The following CAMSAP3 variants were observed in gnomAD, a reference collection of about 807,000 sequenced individuals.
CAMSAP3 encodes the protein calmodulin-regulated spectrin-associated protein 3.
Under a neutral mutation model 112.5 loss-of-function variants are expected in CAMSAP3, and 34 were observed. The observed-to-expected ratio is 0.30, with a 90% confidence interval of 0.23 to 0.40. The LOEUF (loss-of-function observed/expected upper bound fraction) is 0.40, where lower values mean the gene tolerates loss of function less well. Ranked by LOEUF, CAMSAP3 falls within the 10% of genes least tolerant of loss-of-function variation. The pLI is 1.00. For missense variants in CAMSAP3, 1,602 were observed against 1,770.3 expected (o/e 0.90, Z 1.71); for synonymous variants, 868 against 799.8 (o/e 1.09, Z -1.44).
Position 7,607,914 on chromosome 19 carries a change from C to A in CAMSAP3, c.622-212C>A. On this transcript the variant is annotated intron_variant, in intron 4 of 16. Coordinates refer to ENST00000160298, the MANE Select transcript of CAMSAP3 (RefSeq NM_020902.2). This position sits in a 1 kb window ranked among gnomAD's most constrained non-coding sequence, Gnocchi z 4.9. ...GGGTCCCAGGAGTCCCTGTCCCCAGCCCCCGCTGCTGGCCTGGCTGCTCGA... is the reference window on the plus strand; with the variant it reads ...GGGTCCCAGGAGTCCCTGTCCCCAGACCCCGCTGCTGGCCTGGCTGCTCGA... The A allele has an allele frequency of 1.2e-6, 1 of 821,684 alleles. No individual in the cohort carries two copies. Among genetic ancestry groups the A allele is most frequent in the Non-Finnish European group, 2.1e-6 (1 of 485,526 alleles). The allele number at this position is 821,684 out of a possible 1,614,324, so 50.9% of individuals were successfully genotyped here. A position where few individuals can be genotyped will look rare whatever the true frequency, so the allele number is the denominator to read the frequency against.
At chr19:7,614,282 A>AAAAAAAAAAAAAAAAG (rs1568447672) in intron 11 of CAMSAP3, among the ~76,000 whole-genome samples, 1 of 147,132 alleles carries the variant, frequency 6.8e-6, no homozygotes, top group African/African-American at 2.5e-5. Flanking sequence ...AAAAAAAAAA[A>AAAAAAAAAAAAAAAAG]AGTGAGCACA....
rs2030591781 is a variant in CAMSAP3, at chr19:7,613,023, A to G, written c.2530A>G (p.Ile844Val). The G allele has an allele frequency of 1.3e-6, 2 of 1,558,020 alleles. No homozygotes were observed. Among genetic ancestry groups the G allele is most frequent in the African/African-American group, 2.7e-5 (2 of 72,934 alleles). ...PEEPAARPGL[I>V]EIPLGSLADP... The stretch of plus-strand genomic sequence containing the variant: ...GGAGCCAGCCGCCCGGCCGGGCCTC[A>G]TCGAGATCCCGCTGGGCAGCCTGGC... The change falls in exon 11 of 17, where the codon ATC becomes GTC. Residue 844 changes from isoleucine to valine, a missense_variant. This residue lies in a region of CAMSAP3 where 1,100 missense variants were observed against 1,135.7 expected (regional missense o/e 0.97). Transcript: ENST00000160298.
At chr19:7,596,823 A>G (rs1357109901) in intron 1 of CAMSAP3, among the ~76,000 whole-genome samples, 1 of 152,096 alleles carries the variant, frequency 6.6e-6, no homozygotes, top group African/African-American at 2.4e-5. Flanking sequence ...GGAAATGGGT[A>G]GTACAAGATC....
At chr19:7,596,209 G>GGGA (rs1568436201) in intron 1 of CAMSAP3, 59 bp downstream of exon 1, 1 of 643,330 alleles carries the variant, frequency 1.6e-6, no homozygotes, top group South Asian at 7.3e-5. Context: ...CAGGTGCTGG[G>GGGA]GGGGGGCGGG....
intron 5 of CAMSAP3, among the ~76,000 whole-genome samples, chr19:7,609,869 C>T (rs1489349509): frequency 2.6e-5 from 4 of 152,054 alleles, no homozygotes; most frequent in Admixed American, 6.6e-5. Context: ...AATCGAATGC[C>T]GCCGCTGATC....
chr19:7,614,827 G>T, intron 11 of CAMSAP3: 1 of 387,694 alleles, frequency 2.6e-6, no homozygotes. Context: ...ATTCTACAGG[G>T]TACTTCCTCT....
At chr19:7,606,151 G>GCCCCCCCCCCCCCCTCAAA in intron 2 of CAMSAP3, 120 bp from the exon 3 acceptor site, 2 of 151,402 alleles carry the variant, frequency 1.3e-5, no homozygotes, top group Non-Finnish European at 1.2e-5. Context: ...GCCCCCTCAA[G>GCCCCCCCCCCCCCCTCAAA]CCCCACCCCC....
Position 7,617,848 on chromosome 19 carries a change from G to A in CAMSAP3, c.3541G>A (p.Glu1181Lys). 6.2e-7 allele frequency: 1 copy of A among 1,613,926 alleles called. No homozygotes were observed. The highest frequency in any genetic ancestry group is 2.2e-5 in the East Asian group (1 of 44,892). The change falls in exon 17 of 17, where the codon GAG (glutamate) becomes AAG (lysine). Residue 1181 changes from glutamate to lysine, a missense_variant. Around this residue, in one of 6 missense-constraint regions of CAMSAP3, gnomAD observed 150 missense variants for 207.6 expected, o/e 0.72. Transcript: ENST00000160298. This position sits in a 1 kb window ranked among gnomAD's most constrained non-coding sequence, Gnocchi z 7.5. ...CTACACGCTGTCGGGGGAGACAGAG[G>A]AGCTGTCGCGGCTGGCAGGGTATGG... ...ALYTLSGETE[E>K]LSRLAGYGPR...
In CAMSAP3 at chr19:7,611,231, G is replaced by T; in HGVS notation, c.1123+63G>T. 6.6e-7 allele frequency: 1 copy of T among 1,515,964 alleles called. No homozygotes were observed. Among genetic ancestry groups the T allele is most frequent in the East Asian group, 2.3e-5 (1 of 44,362 alleles). The allele number at this position is 1,515,964 out of a possible 1,614,324, so 93.9% of individuals were successfully genotyped here. A position where few individuals can be genotyped will look rare whatever the true frequency, so the allele number is the denominator to read the frequency against. ...CCCCCACTCACAGACTGCCCCAGTG[G>T]GCCTCATGTTGTCTCCTCGTGAGCC... On this transcript the variant is annotated intron_variant, in intron 9 of 16. Coordinates refer to ENST00000160298, the MANE Select transcript of CAMSAP3 (RefSeq NM_020902.2). This position sits in a 1 kb window ranked among gnomAD's most constrained non-coding sequence, Gnocchi z 6.9.
chr19:7,612,740 G>A lies in CAMSAP3; in HGVS notation c.2247G>A (p.Thr749=), dbSNP rs555103286. Residue 749 remains threonine (T), a synonymous_variant, in exon 11 of 17, where the codon ACG becomes ACA. Coordinates refer to ENST00000160298, the MANE Select transcript of CAMSAP3 (RefSeq NM_020902.2). Reference sequence around the variant, plus strand: ...CTGCGTGGGTCATCCCTGGCCCCACGACGGGGCCCAAAGCTGCATCCCCCA... The same window carrying A: ...CTGCGTGGGTCATCCCTGGCCCCACAACGGGGCCCAAAGCTGCATCCCCCA... ...PPAAWVIPGP[T]TGPKAASPSP... 2.7e-5 allele frequency: 42 copies of A among 1,531,846 alleles called. No individual in the cohort carries two copies. The highest frequency in any genetic ancestry group is 2.2e-4 in the Middle Eastern group (1 of 4,612). The allele number at this position is 1,531,846 out of a possible 1,614,324, so 94.9% of individuals were successfully genotyped here.
chr19:7,608,133 A>G lies in CAMSAP3; in HGVS notation c.629A>G (p.Tyr210Cys). ...CCTGGCTCCCATCTGCAGATCCGATACCGCAAGGACCGTGTGGTGGCGCGA... is the reference window on the plus strand; with the variant it reads ...CCTGGCTCCCATCTGCAGATCCGATGCCGCAAGGACCGTGTGGTGGCGCGA... ...GAAPAQPSIR[Y>C]RKDRVVARRA... The change falls in exon 5 of 17, where the codon TAC (tyrosine) becomes TGC (cysteine). Residue 210 changes from tyrosine (Y) to cysteine (C), a missense_variant. Physicochemically the swap from Tyr to Cys is radical, Grantham distance 194 (BLOSUM62 -2). Around this residue, in one of 6 missense-constraint regions of CAMSAP3, gnomAD observed 112 missense variants for 94.2 expected, o/e 1.19. Transcript: ENST00000160298. 1 of 1,610,766 alleles carries G rather than the reference A, an allele frequency of 6.2e-7. No individual in the cohort carries two copies. Among genetic ancestry groups the G allele is most frequent in the East Asian group, 2.2e-5 (1 of 44,856 alleles).
intron 1 of CAMSAP3, among the ~76,000 whole-genome samples, chr19:7,599,052 T>C (rs1407003369): frequency 6.6e-6 from 1 of 151,718 alleles, no homozygotes; most frequent in African/African-American, 2.4e-5. Flanking sequence ...GGGCTTGTAG[T>C]CCCAGCTACT....
In CAMSAP3 at chr19:7,611,563, C is replaced by A; in HGVS notation, c.1170C>A (p.Gly390=). The A allele has an allele frequency of 6.2e-7, 1 of 1,612,596 alleles. No individual in the cohort carries two copies. Among genetic ancestry groups the A allele is most frequent in the Non-Finnish European group, 8.5e-7 (1 of 1,179,796 alleles). Reference sequence around the variant, plus strand: ...CCATGTCCCATATGGAGGCCCTGGGCAAGGCCTGGAACCGGCAGCTCAGGT... The same window carrying A: ...CCATGTCCCATATGGAGGCCCTGGGAAAGGCCTGGAACCGGCAGCTCAGGT... ...SPSMSHMEAL[G]KAWNRQLSRP... The change falls in exon 10 of 17, where the codon GGC becomes GGA. Residue 390 remains glycine (G), a synonymous_variant. Transcript: ENST00000160298. This position sits in a 1 kb window ranked among gnomAD's most constrained non-coding sequence, Gnocchi z 6.9.
At chr19:7,613,228 G>GC in intron 11 of CAMSAP3, 65 bp downstream of exon 11, 1 of 276,190 alleles carries the variant, frequency 3.6e-6, no homozygotes, top group Non-Finnish European at 6.5e-6. Context: ...GGGGCGGGGG[G>GC]AGGTGGACAA....
chr19:7,612,053 G>A lies in CAMSAP3; in HGVS notation c.1560G>A (p.Met520Ile), dbSNP rs369995426. 4 of 1,611,858 alleles carry A rather than the reference G, an allele frequency of 2.5e-6. No individual in the cohort carries two copies. Among genetic ancestry groups the A allele is most frequent in the Non-Finnish European group, 3.4e-6 (4 of 1,178,972 alleles). Residue 520 changes from methionine to isoleucine, a missense_variant, in exon 11 of 17, where the codon ATG becomes ATA. Physicochemically the swap from Met to Ile is conservative, Grantham distance 10 (BLOSUM62 1). This residue lies in a region of CAMSAP3 where 1,100 missense variants were observed against 1,135.7 expected (regional missense o/e 0.97). Coordinates refer to ENST00000160298, the MANE Select transcript of CAMSAP3 (RefSeq NM_020902.2). Reference sequence around the variant, plus strand: ...GGCCCACCAAAGCACCAGTGTACATGCCACACCCCGAGACCCCCTCGAAAC... The same window carrying A: ...GGCCCACCAAAGCACCAGTGTACATACCACACCCCGAGACCCCCTCGAAAC... ...SDRPTKAPVY[M>I]PHPETPSKPS... is the part of the protein sequence containing the mutation.
At chr19:7,606,136 G>GA in intron 2 of CAMSAP3, 135 bp from the exon 3 acceptor site, 3 of 511,798 alleles carry the variant, frequency 5.9e-6, no homozygotes, top group South Asian at 4.0e-5. Context: ...TGAACCACTG[G>GA]CCCCGCCCCC....
chr19:7,615,779 G>C lies in CAMSAP3; in HGVS notation c.3112+60G>C. 1.1e-6 allele frequency: 1 copy of C among 871,654 alleles called. No individual in the cohort carries two copies. The highest frequency in any genetic ancestry group is 1.4e-6 in the Non-Finnish European group (1 of 725,538). 54.0% of individuals were successfully genotyped at this position (871,654 alleles called of 1,614,324 possible). A position where few individuals can be genotyped will look rare whatever the true frequency, so the allele number is the denominator to read the frequency against. ...CCCTTTCCGGGGCTCACTGGGTGAG[G>C]CCCCCATGGGTAAGGGGGGAGGGGG... is the stretch of plus-strand genomic sequence containing the variant. On this transcript the variant is annotated intron_variant, in intron 13 of 16. Transcript: ENST00000160298. The surrounding 1 kb of genome is among the most constrained non-coding windows in gnomAD (Gnocchi z 6.5).
Position 7,615,380 on chromosome 19 carries a change from C to T in CAMSAP3, c.2811-38C>T, listed in dbSNP as rs1045611503. 1.6e-5 allele frequency: 25 copies of T among 1,535,450 alleles called. No homozygotes were observed. The highest frequency in any genetic ancestry group is 5.5e-5 in the African/African-American group (4 of 72,754). ...TTGGCCTGTCTGCCACCGCGGACCC[C>T]GTGAGCGGTTCTGATGCCGATTCCC... On this transcript the variant is annotated intron_variant, in intron 12 of 16. Coordinates refer to ENST00000160298, the MANE Select transcript of CAMSAP3 (RefSeq NM_020902.2). This position sits in a 1 kb window ranked among gnomAD's most constrained non-coding sequence, Gnocchi z 6.5.
Position 7,612,651 on chromosome 19 carries a change from C to T in CAMSAP3, c.2158C>T (p.Leu720Phe), listed in dbSNP as rs1198120379. 1 of 1,515,064 alleles carries T rather than the reference C, an allele frequency of 6.6e-7. No homozygotes were observed. The highest frequency in any genetic ancestry group is 8.8e-7 in the Non-Finnish European group (1 of 1,132,748). The allele number at this position is 1,515,064 out of a possible 1,614,324, so 93.9% of individuals were successfully genotyped here. The change falls in exon 11 of 17, where the codon CTC becomes TTC. Residue 720 changes from leucine (L) to phenylalanine (F), a missense_variant. Leu to Phe is a conservative substitution (Grantham distance 22). Transcript: ENST00000160298. ...CTCGCTGCAGCGGGACATGCAGAGG[C>T]TCACGGACCAGCAGCAGCGGCTCCT... Reference protein sequence around the residue: ...LSSLQRDMQRLTDQQQRLLAP... With the variant: ...LSSLQRDMQRFTDQQQRLLAP...
Sources: allele counts gnomAD v4.1 joint callset (sites outside exome capture counted in the v4.1 genomes callset), GRCh38; gene constraint gnomAD v4.1.1; regional missense constraint gnomAD v4.1.1; non-coding constraint Gnocchi (gnomAD v3.1); transcripts MANE v1.5; gene names NCBI Gene and HGNC (gene_info 2026-07-23, HGNC 2026-07-21).